The following GRIK3 variants were observed in gnomAD, a reference collection of about 807,000 sequenced individuals.
GRIK3 encodes glutamate ionotropic receptor kainate type subunit 3, also known as glutamate receptor ionotropic, kainate 3.
Under a neutral mutation model 102.5 loss-of-function variants are expected in GRIK3, and 29 were observed. The ratio of observed to expected loss-of-function variants is 0.28; its 90% confidence interval spans 0.21 to 0.39. The LOEUF (loss-of-function observed/expected upper bound fraction) is 0.39, where lower values mean the gene tolerates loss of function less well. Among genes scored for constraint, GRIK3 ranks in the 10% least tolerant of loss-of-function variants. The probability of loss-of-function intolerance (pLI) is 1.00; values close to 1 mark genes in which losing one functional copy is unlikely to be tolerated. For missense variants in GRIK3, 908 were observed against 1,252.4 expected (o/e 0.73, Z 4.15); for synonymous variants, 511 against 504.9 (o/e 1.01, Z -0.16).
intron 1 of GRIK3, among the ~76,000 whole-genome samples, chr1:37,021,303 A>AT (rs1642712134): frequency 6.6e-6 from 1 of 152,110 alleles, no homozygotes; most frequent in South Asian, 2.1e-4. Flanking sequence ...AGAAAAAAAA[A>AT]TGGGGACAGG....
intron 1 of GRIK3, among the ~76,000 whole-genome samples, chr1:36,978,848 A>C (rs1205953066): frequency 1.3e-5 from 2 of 152,222 alleles, no homozygotes; most frequent in African/African-American, 4.8e-5. Flanking sequence ...CTATTGGCCA[A>C]AGTAAGTCAC....
chr1:36,801,691 T>A lies in GRIK3; in HGVS notation c.*160A>T. 1 of 541,276 alleles carries A rather than the reference T, an allele frequency of 1.8e-6. No individual in the cohort carries two copies. Among genetic ancestry groups the A allele is most frequent in the Non-Finnish European group, 3.1e-6 (1 of 318,720 alleles). The allele number at this position is 541,276 out of a possible 1,614,324, so 33.5% of individuals were successfully genotyped here. ...AGCCCAAGCAGCTGGCCTGAGAGCC[T>A]GCTGGCTTCCTGGCAGGTAAGGGCA... is the stretch of plus-strand genomic sequence containing the variant. On this transcript the variant is annotated 3_prime_UTR_variant, in exon 16 of 16. Transcript: ENST00000373091.
intron 1 of GRIK3, among the ~76,000 whole-genome samples, chr1:36,942,594 G>A (rs996641489): frequency 6.6e-6 from 1 of 151,902 alleles, no homozygotes; most frequent in African/African-American, 2.4e-5. Context: ...TTTGACCGCA[G>A]GTGGAGGTCA....
At chr1:37,004,183 T>C (rs1186216844) in intron 1 of GRIK3, among the ~76,000 whole-genome samples, 2 of 152,070 alleles carry the variant, frequency 1.3e-5, no homozygotes, top group Non-Finnish European at 2.9e-5. Context: ...TGCTTCTGTT[T>C]CGATCTAATC....
At chr1:36,949,604 C>T (rs868496695) in intron 1 of GRIK3, among the ~76,000 whole-genome samples, 14 of 93,854 alleles carry the variant, frequency 1.5e-4, no homozygotes, top group Middle Eastern at 0.01. Flanking sequence ...TTTTGAGTCT[C>T]GCTCTGTTGC....
chr1:36,907,552 G>C (rs1270056861), intron 1 of GRIK3, among the ~76,000 whole-genome samples: 1 of 152,182 alleles, frequency 6.6e-6, no homozygotes, highest in East Asian at 1.9e-4. Context: ...GTCCAAAACA[G>C]AGTGAGTCAG....
chr1:36,889,044 G>T lies in GRIK3; in HGVS notation c.292+1876C>A, dbSNP rs898170454. ...CTCCTGCGTGCCAGGCCCATGCCAG[G>T]TTCTATAGTGGAGCAGTAAAAAGAC... On this transcript the variant is annotated intron_variant, in intron 2 of 15. Coordinates refer to ENST00000373091, the MANE Select transcript of GRIK3 (RefSeq NM_000831.4). Among the ~76,000 whole-genome samples, 8 of 152,184 alleles carry T rather than the reference G, an allele frequency of 5.3e-5. No individual in the cohort carries two copies. In the East Asian group the frequency reaches 1.4e-3, roughly 26 times the overall value.
At chr1:36,891,248 G>A (rs1641111998) in intron 1 of GRIK3, 152 bp from the exon 2 acceptor site, 1 of 554,466 alleles carries the variant, frequency 1.8e-6, no homozygotes, top group Non-Finnish European at 3.2e-6. Flanking sequence ...AAGTGTGCAG[G>A]AGCACAAGAA....
At chr1:36,830,430 G>T (rs1038486440) in intron 10 of GRIK3, among the ~76,000 whole-genome samples, 2 of 151,776 alleles carry the variant, frequency 1.3e-5, no homozygotes, top group African/African-American at 4.8e-5. Flanking sequence ...TGGAAATAAG[G>T]TTTTTGCAGA....
rs1642433015 is a variant in GRIK3 at position 36,800,863 on chromosome 1, T to C, written c.*988A>G. The C allele has an allele frequency of 1.3e-5, 2 of 152,190 alleles. No homozygotes were observed. The highest frequency in any genetic ancestry group is 2.1e-4 in the South Asian group (1 of 4,824). The allele number at this position is 152,190 out of a possible 1,614,324, so 9.4% of individuals were successfully genotyped here. A position where few individuals can be genotyped will look rare whatever the true frequency, so the allele number is the denominator to read the frequency against. ...GAGGCCAAGGTCAACCAGCCAGGAATGGGGAGTTGTTGATGAGAAGATGGC... is the reference window on the plus strand; with the variant it reads ...GAGGCCAAGGTCAACCAGCCAGGAACGGGGAGTTGTTGATGAGAAGATGGC... On this transcript the variant is annotated 3_prime_UTR_variant, in exon 16 of 16. Transcript: ENST00000373091.
chr1:36,832,505 A>T (rs989845437), intron 10 of GRIK3, among the ~76,000 whole-genome samples: 3 of 152,176 alleles, frequency 2.0e-5, no homozygotes, highest in Non-Finnish European at 2.9e-5. Context: ...TGAAGGGTCC[A>T]CAAATTTGAA....
At chr1:36,938,129 G>A (rs1641679750) in intron 1 of GRIK3, among the ~76,000 whole-genome samples, 1 of 152,234 alleles carries the variant, frequency 6.6e-6, no homozygotes. Context: ...ATCTGCACCT[G>A]CAGAAAAGGC....
chr1:36,959,936 ACTCT>A (rs1641984757), intron 1 of GRIK3, among the ~76,000 whole-genome samples: 1 of 31,664 alleles, frequency 3.2e-5, no homozygotes, highest in Admixed American at 4.6e-4. Context: ...GTGCCCCATG[ACTCT>A]GTGCCCTGTG....
Position 36,853,536 on chromosome 1 carries a change from C to T in GRIK3, c.1212+79G>A, listed in dbSNP as rs149835929. The T allele has an allele frequency of 3.1e-3, 2,801 of 917,386 alleles. 12 individuals are homozygous for T. The highest frequency in any genetic ancestry group is 3.4e-3 in the Non-Finnish European group (1,902 of 555,212). 56.8% of individuals were successfully genotyped at this position (917,386 alleles called of 1,614,324 possible). A position where few individuals can be genotyped will look rare whatever the true frequency, so the allele number is the denominator to read the frequency against. On this transcript the variant is annotated intron_variant, in intron 8 of 15. Coordinates refer to ENST00000373091, the MANE Select transcript of GRIK3 (RefSeq NM_000831.4). ...CTGTGTCTTGCCCCTTGCCTCTGGG[C>T]CTCTGACTGAGGTCTGCCCTAGGAG...
chr1:36,957,732 T>C (rs1343837928), intron 1 of GRIK3, among the ~76,000 whole-genome samples: 1 of 149,902 alleles, frequency 6.7e-6, no homozygotes, highest in East Asian at 2.0e-4. Context: ...TCTGTGAGTC[T>C]GTGCCCCATA....
chr1:37,029,695 G>C (rs1642800414), intron 1 of GRIK3, among the ~76,000 whole-genome samples: 1 of 152,236 alleles, frequency 6.6e-6, no homozygotes, highest in Non-Finnish European at 1.5e-5. Flanking sequence ...ACTGTTTCCT[G>C]GGACAGGCAC....
chr1:36,920,873 T>G (rs1641458847), intron 1 of GRIK3, among the ~76,000 whole-genome samples: 1 of 152,230 alleles, frequency 6.6e-6, no homozygotes, highest in African/African-American at 2.4e-5. Context: ...TTTGTGAGTT[T>G]TCAGCAGCAG....
intron 1 of GRIK3, among the ~76,000 whole-genome samples, chr1:36,999,975 T>C (rs893386057): frequency 1.3e-5 from 2 of 152,124 alleles, no homozygotes; most frequent in African/African-American, 4.8e-5. Flanking sequence ...CCAGCCTGGG[T>C]GACAGAGCGA....
intron 9 of GRIK3, among the ~76,000 whole-genome samples, chr1:36,843,967 G>T (rs1030434156): frequency 6.6e-6 from 1 of 152,218 alleles, no homozygotes; most frequent in Admixed American, 6.5e-5. Flanking sequence ...CCCCAGGGTG[G>T]GATGGGCAGT....
Sources: allele counts gnomAD v4.1 joint callset (sites outside exome capture counted in the v4.1 genomes callset), GRCh38; gene constraint gnomAD v4.1.1; transcripts MANE v1.5; gene names NCBI Gene and HGNC (gene_info 2026-07-23, HGNC 2026-07-21).